NSUN6: variants seen among roughly 807,000 people sequenced by gnomAD.
NSUN6 encodes tRNA (cytosine(72)-C(5))-methyltransferase NSUN6.
A neutral mutation model predicts 58.0 loss-of-function variants in NSUN6; 64 were observed. The ratio of observed to expected loss-of-function variants is 1.10; its 90% CI spans 0.90 to 1.36. NSUN6 has a LOEUF of 1.36. Ranked by LOEUF, NSUN6 falls within the 40% of genes most tolerant of loss-of-function variation. The pLI, the probability that NSUN6 is intolerant of heterozygous loss-of-function variation, is 0.00. For missense variants in NSUN6, 701 were observed against 550.1 expected (o/e 1.27, Z -2.74); for synonymous variants, 231 against 193.9 (o/e 1.19, Z -1.59).
intron 3 of NSUN6, among the ~76,000 whole-genome samples, chr10:18,627,060 G>T (rs1434310325): frequency 6.6e-6 from 1 of 152,086 alleles, no homozygotes; most frequent in Non-Finnish European, 1.5e-5. Flanking sequence ...TGTTTTAAAG[G>T]CTCTTTTATC....
chr10:18,616,215 G>A lies in NSUN6; in HGVS notation c.390C>T (p.Val130=), dbSNP rs375637979. The A allele has an allele frequency of 1.2e-6, 2 of 1,600,498 alleles. No individual in the cohort carries two copies. Among genetic ancestry groups the A allele is most frequent in the Non-Finnish European group, 8.6e-7 (1 of 1,167,676 alleles). Residue 130 remains valine, a synonymous_variant, in exon 4 of 11, where the codon GTC becomes GTT. Transcript: ENST00000377304. ...CGNAVLRGAH[V]YAPGIVSASQ... ...ATGCTGACACAATTCCTGGGGCATAGACATGGGCTCCTCTTAAAACTGCAT... is the reference window on the plus strand; with the variant it reads ...ATGCTGACACAATTCCTGGGGCATAAACATGGGCTCCTCTTAAAACTGCAT...
intron 6 of NSUN6, among the ~76,000 whole-genome samples, chr10:18,603,552 C>A (rs2057933371): frequency 6.6e-6 from 1 of 151,270 alleles, no homozygotes; most frequent in African/African-American, 2.4e-5. Flanking sequence ...CTCACTTCAA[C>A]CTCCGCCTCC....
intron 8 of NSUN6, among the ~76,000 whole-genome samples, chr10:18,577,598 T>C (rs1224017448): frequency 1.3e-5 from 2 of 152,160 alleles, no homozygotes; most frequent in African/African-American, 4.8e-5. Context: ...CCAAGACATG[T>C]TAAAGAAGTT....
chr10:18,584,825 T>C (rs1196844786), intron 8 of NSUN6, among the ~76,000 whole-genome samples: 6 of 151,682 alleles, frequency 4.0e-5, no homozygotes, highest in Non-Finnish European at 5.9e-5. Context: ...TATAAAAGAT[T>C]AGCAGTTGAT....
At chr10:18,575,071 A>G (rs748601291) in intron 8 of NSUN6, among the ~76,000 whole-genome samples, 1 of 152,182 alleles carries the variant, frequency 6.6e-6, no homozygotes, top group East Asian at 1.9e-4. Flanking sequence ...ATTCAGAATG[A>G]AAATGGATAT....
intron 8 of NSUN6, among the ~76,000 whole-genome samples, chr10:18,562,697 C>CGGAATGGAATGG (rs1554852955): frequency 5.3e-5 from 7 of 132,752 alleles, no homozygotes; most frequent in African/African-American, 1.7e-4. Context: ...GAATAGAGAA[C>CGGAATGGAATGG]GGAATGGAAT....
chr10:18,570,754 A>G (rs1277891089), intron 8 of NSUN6, among the ~76,000 whole-genome samples: 3 of 145,368 alleles, frequency 2.1e-5, no homozygotes, highest in African/African-American at 7.7e-5. Context: ...TCTCCATTCC[A>G]TTCTCCATTC....
At chr10:18,611,598 T>A (rs1037825345) in intron 5 of NSUN6, among the ~76,000 whole-genome samples, 8 of 152,124 alleles carry the variant, frequency 5.3e-5, no homozygotes, top group African/African-American at 1.4e-4. Context: ...GGCACAATCA[T>A]AGCTCACTGC....
At chr10:18,620,827 T>A (rs1282198949) in intron 3 of NSUN6, among the ~76,000 whole-genome samples, 1 of 152,252 alleles carries the variant, frequency 6.6e-6, no homozygotes, top group Admixed American at 6.5e-5. Context: ...GTCTCATTCA[T>A]CTTTGTAACA....
intron 7 of NSUN6, among the ~76,000 whole-genome samples, chr10:18,594,122 C>T (rs920065723): frequency 9.9e-5 from 15 of 151,662 alleles, no homozygotes; most frequent in Non-Finnish European, 1.0e-4. Flanking sequence ...ATCGCTCAAA[C>T]CCGGGAGGCG....
chr10:18,563,398 G>C (rs536720102), intron 8 of NSUN6, among the ~76,000 whole-genome samples: 1 of 150,708 alleles, frequency 6.6e-6, no homozygotes, highest in South Asian at 2.1e-4. Flanking sequence ...GTATGGAACT[G>C]AGAATGGTAT....
chr10:18,556,600 G>C (rs1055873574), intron 8 of NSUN6, among the ~76,000 whole-genome samples: 1 of 151,574 alleles, frequency 6.6e-6, no homozygotes, highest in Non-Finnish European at 1.5e-5. Context: ...GAATGGAATG[G>C]AATAGACAAT....
At chr10:18,650,072 G>T (rs776599562) in intron 1 of NSUN6, among the ~76,000 whole-genome samples, 1 of 152,142 alleles carries the variant, frequency 6.6e-6, no homozygotes, top group Admixed American at 6.5e-5. Flanking sequence ...TAAAGTGGTA[G>T]AGAGGACAGG....
chr10:18,555,483 TAGAATGGAATGA>T (rs2054928007), intron 8 of NSUN6, among the ~76,000 whole-genome samples: 1 of 145,396 alleles, frequency 6.9e-6, no homozygotes, highest in South Asian at 2.1e-4. Flanking sequence ...CAGTGGTGAA[TAGAATGGAATGA>T]AGGATGGTAT....
intron 8 of NSUN6, among the ~76,000 whole-genome samples, chr10:18,566,785 A>C (rs1414030568): frequency 3.7e-5 from 5 of 134,662 alleles, no homozygotes; most frequent in African/African-American, 5.6e-5. Context: ...CCATTCCATT[A>C]CCCATTCCCT....
chr10:18,584,324 G>A (rs140531154), intron 8 of NSUN6, among the ~76,000 whole-genome samples: 8 of 152,306 alleles, frequency 5.3e-5, no homozygotes, highest in African/African-American at 1.9e-4. Flanking sequence ...TCCGCTTTCT[G>A]CTCCAAAGGT....
chr10:18,545,916 G>A lies in NSUN6; in HGVS notation c.*17C>T. The A allele has an allele frequency of 2.4e-6, 3 of 1,239,496 alleles. No individual in the cohort carries two copies. The highest frequency in any genetic ancestry group is 2.5e-5 in the East Asian group (1 of 40,390). The allele number at this position is 1,239,496 out of a possible 1,614,324, so 76.8% of individuals were successfully genotyped here. ...GCAAATGTTTGGAATTTTCATTTCT[G>A]AGCATCCATCCCTCTCCTATGTGCT... On this transcript the variant is annotated 3_prime_UTR_variant, in exon 11 of 11. Coordinates refer to ENST00000377304, the MANE Select transcript of NSUN6 (RefSeq NM_182543.5).
intron 8 of NSUN6, among the ~76,000 whole-genome samples, chr10:18,562,800 A>AGAAAG (rs1315081943): frequency 1.3e-5 from 2 of 149,970 alleles, no homozygotes; most frequent in African/African-American, 2.5e-5. Flanking sequence ...AATGGAGTGG[A>AGAAAG]GAATGGAATG....
At chr10:18,629,177 T>A (rs1233817024) in intron 3 of NSUN6, among the ~76,000 whole-genome samples, 5 of 152,006 alleles carry the variant, frequency 3.3e-5, no homozygotes, top group African/African-American at 9.7e-5. Context: ...GAAGGAAAAA[T>A]AAAATCCTTT....
Sources: allele counts gnomAD v4.1 joint callset (sites outside exome capture counted in the v4.1 genomes callset), GRCh38; gene constraint gnomAD v4.1.1; transcripts MANE v1.5; gene names NCBI Gene and HGNC (gene_info 2026-07-23, HGNC 2026-07-21).